Variants in RTN3 observed in about 807,000 individuals in gnomAD.
RTN3 encodes the protein reticulon 3, also known as reticulon-3.
In RTN3, 49 loss-of-function variants were observed where a neutral mutation model predicts 77.8. The observed-to-expected ratio is 0.63, with a 90% CI of 0.50 to 0.80. RTN3 has a LOEUF of 0.80. RTN3 is among the 30% of genes least tolerant of loss of function. RTN3 has a pLI of 0.00. For synonymous variants in RTN3, 464 were observed against 446.9 expected, an observed-to-expected ratio of 1.04 and a Z score of -0.48; for missense variants, 1,236 against 1,211.9, an observed-to-expected ratio of 1.02 and a Z score of -0.29.
intron 2 of RTN3, among the ~76,000 whole-genome samples, chr11:63,713,597 C>T (rs944081972): frequency 3.3e-5 from 5 of 152,128 alleles, no homozygotes; most frequent in African/African-American, 1.2e-4. Context: ...AGGCATGAGC[C>T]ACCACACTCA....
chr11:63,720,664 A>G lies in RTN3; in HGVS notation c.2162A>G (p.Glu721Gly). Residue 721 changes from glutamate to glycine, a missense_variant, in exon 3 of 9, where the codon GAG becomes GGG. Coordinates refer to ENST00000377819, the MANE Select transcript of RTN3 (RefSeq NM_001265589.2). ...CAAAGCAAAGAAACAAATGGAAGTG[A>G]GCCTCTAGGTGTTTTCCCTACCCAA... is the stretch of plus-strand genomic sequence containing the variant. The part of the protein sequence containing the change: ...SEQSKETNGS[E>G]PLGVFPTQGT... 6.2e-7 allele frequency: 1 copy of G among 1,614,148 alleles called. No individual in the cohort carries two copies. Among genetic ancestry groups the G allele is most frequent in the Non-Finnish European group, 8.5e-7 (1 of 1,180,022 alleles).
At chr11:63,698,245 C>A (rs1389259752) in intron 1 of RTN3, among the ~76,000 whole-genome samples, 1 of 152,028 alleles carries the variant, frequency 6.6e-6, no homozygotes, top group African/African-American at 2.4e-5. Flanking sequence ...CAGCTCAGTC[C>A]CCCCAAGTAG....
intron 1 of RTN3, among the ~76,000 whole-genome samples, chr11:63,686,706 G>A (rs1036236590): frequency 3.9e-5 from 6 of 151,968 alleles, no homozygotes; most frequent in South Asian, 2.1e-4. Context: ...GGTGATGTGC[G>A]CCTGTGGTCC....
chr11:63,688,064 A>G lies in RTN3; in HGVS notation c.142+6286A>G, dbSNP rs76670149. On this transcript the variant is annotated intron_variant, in intron 1 of 8. Coordinates refer to ENST00000377819, the MANE Select transcript of RTN3 (RefSeq NM_001265589.2). The stretch of plus-strand genomic sequence containing the variant: ...AATCAATATGCTTAAATACTTATGC[A>G]GATTCTGACTAATAAATGTTGTTAT... 1.3e-4 allele frequency among the ~76,000 whole-genome samples: 20 copies of G among 152,316 alleles called. No homozygotes were observed. In the East Asian group the frequency reaches 3.9e-3, roughly 29 times the overall value.
intron 2 of RTN3, among the ~76,000 whole-genome samples, chr11:63,715,169 CCT>C (rs1428975273): frequency 3.9e-5 from 6 of 152,230 alleles, no homozygotes; most frequent in African/African-American, 9.6e-5. Context: ...TCTGCCTTCC[CCT>C]CTGTGTTGTA....
chr11:63,707,521 T>C (rs1379589358), intron 2 of RTN3, among the ~76,000 whole-genome samples: 2 of 152,176 alleles, frequency 1.3e-5, no homozygotes, highest in African/African-American at 2.4e-5. Flanking sequence ...AATAGTCTTA[T>C]TGTAGAAAGG....
chr11:63,716,534 G>C (rs2011407547), intron 2 of RTN3, among the ~76,000 whole-genome samples: 5 of 152,210 alleles, frequency 3.3e-5, no homozygotes, highest in Admixed American at 3.3e-4. Context: ...CAGTATGCAA[G>C]AAAGACAGCG....
At chr11:63,738,333 T>C (rs1227334753) in intron 3 of RTN3, among the ~76,000 whole-genome samples, 1 of 152,058 alleles carries the variant, frequency 6.6e-6, no homozygotes, top group Non-Finnish European at 1.5e-5. Flanking sequence ...GAATTGGAGA[T>C]TTATTTGTTC....
At chr11:63,695,187 C>T (rs1590787860) in intron 1 of RTN3, among the ~76,000 whole-genome samples, 1 of 152,194 alleles carries the variant, frequency 6.6e-6, no homozygotes, top group Non-Finnish European at 1.5e-5. Context: ...TGTAAGAGGG[C>T]TTTAACCCTC....
chr11:63,684,192 A>C (rs1324896777), intron 1 of RTN3, among the ~76,000 whole-genome samples: 1 of 119,710 alleles, frequency 8.4e-6, no homozygotes, highest in Non-Finnish European at 1.6e-5. Context: ...TTTGTCGCCC[A>C]GGCTGGAGTG....
At chr11:63,721,604 TC>T (rs1351577091) in intron 3 of RTN3, among the ~76,000 whole-genome samples, 1 of 151,886 alleles carries the variant, frequency 6.6e-6, no homozygotes, top group Non-Finnish European at 1.5e-5. Flanking sequence ...AAATTTTTTT[TC>T]TATGCTCCAG....
At chr11:63,728,462 A>G (rs1460914927) in intron 3 of RTN3, among the ~76,000 whole-genome samples, 2 of 152,238 alleles carry the variant, frequency 1.3e-5, no homozygotes. Context: ...GCAAAGGGCT[A>G]GTCCTGAAGA....
intron 2 of RTN3, chr11:63,714,511 T>G (rs1026035061): frequency 1.3e-5 from 2 of 151,012 alleles, no homozygotes; most frequent in African/African-American, 5.0e-5. Context: ...TTTTTCTCTT[T>G]TCTCTTCTCT....
At chr11:63,731,650 A>AT (rs1432540350) in intron 3 of RTN3, among the ~76,000 whole-genome samples, 2 of 149,920 alleles carry the variant, frequency 1.3e-5, no homozygotes, top group African/African-American at 4.9e-5. Flanking sequence ...AGCTTTATTT[A>AT]TTTTTTATTT....
At chr11:63,728,301 C>A (rs754047978) in intron 3 of RTN3, among the ~76,000 whole-genome samples, 2 of 152,140 alleles carry the variant, frequency 1.3e-5, no homozygotes, top group Non-Finnish European at 2.9e-5. Context: ...CTACTCAGAC[C>A]CCAGACCCCC....
Position 63,681,561 on chromosome 11 carries a change from G to A in RTN3, c.-76G>A, listed in dbSNP as rs1308415612. 3.5e-6 allele frequency: 5 copies of A among 1,434,150 alleles called. No homozygotes were observed. The East Asian group carries it at 7.6e-5, about 22-fold the overall frequency. The allele number at this position is 1,434,150 out of a possible 1,614,324, so 88.8% of individuals were successfully genotyped here. Reference sequence around the variant, plus strand: ...AAGGGACTTGAGCGAGCCAGTTGCCGGATTATTCTATTTCCCCTCCCTCTC... The same window carrying A: ...AAGGGACTTGAGCGAGCCAGTTGCCAGATTATTCTATTTCCCCTCCCTCTC... On this transcript the variant is annotated 5_prime_UTR_variant, in exon 1 of 9. Coordinates refer to ENST00000377819, the MANE Select transcript of RTN3 (RefSeq NM_001265589.2).
intron 1 of RTN3, among the ~76,000 whole-genome samples, chr11:63,699,174 A>G (rs998348218): frequency 4.6e-5 from 7 of 151,970 alleles, no homozygotes; most frequent in African/African-American, 1.7e-4. Context: ...GGTAGCATGC[A>G]CCTGTAATCC....
intron 1 of RTN3, among the ~76,000 whole-genome samples, chr11:63,703,606 G>A (rs2510520): frequency 1.8e-4 from 27 of 147,814 alleles, no homozygotes; most frequent in African/African-American, 3.5e-4. Flanking sequence ...GCAGTGGCGC[G>A]ATCTCGGCTC....
Position 63,752,439 on chromosome 11 carries a change from A to G in RTN3, c.2739-68A>G, listed in dbSNP as rs956142302. The stretch of plus-strand genomic sequence containing the variant: ...CCCTGGGAACCAATTTTACATTCTC[A>G]GTAACTACTGTGCTAACAAAATCTT... On this transcript the variant is annotated intron_variant, in intron 4 of 8. Transcript: ENST00000377819. 1.2e-5 allele frequency: 18 copies of G among 1,478,210 alleles called. No homozygotes were observed. The Admixed American group carries it at 3.0e-4, about 25-fold the overall frequency. The allele number at this position is 1,478,210 out of a possible 1,614,324, so 91.6% of individuals were successfully genotyped here.
Sources: allele counts gnomAD v4.1 joint callset (sites outside exome capture counted in the v4.1 genomes callset), GRCh38; gene constraint gnomAD v4.1.1; transcripts MANE v1.5; gene names NCBI Gene and HGNC (gene_info 2026-07-23, HGNC 2026-07-21).